The following RALGPS1 variants were observed in gnomAD, a reference collection of about 807,000 sequenced individuals.
The protein encoded by RALGPS1 is Ral GEF with PH domain and SH3 binding motif 1, also known as ras-specific guanine nucleotide-releasing factor RalGPS1.
Under a neutral mutation model 78.8 loss-of-function variants are expected in RALGPS1, and 19 were observed. The ratio of observed to expected loss-of-function variants is 0.24; its 90% CI spans 0.17 to 0.35. RALGPS1 has a LOEUF of 0.35. Ranked by LOEUF, RALGPS1 falls within the 10% of genes least tolerant of loss-of-function variation. The pLI is 1.00. For synonymous variants in RALGPS1, 228 were observed against 256.3 expected (o/e 0.89, Z 1.06); for missense variants, 454 against 688.3 (o/e 0.66, Z 3.81).
Position 127,125,359 on chromosome 9 carries a change from G to A in RALGPS1, c.611-40710G>A, listed in dbSNP as rs12686675. Among the ~76,000 whole-genome samples the A allele has an allele frequency of 2.2e-4, 33 of 152,316 alleles. No individual in the cohort carries two copies. The East Asian group carries it at 6.0e-3, about 28-fold the overall frequency. On this transcript the variant is annotated intron_variant, in intron 8 of 18. Coordinates refer to ENST00000259351, the MANE Select transcript of RALGPS1 (RefSeq NM_014636.3). Reference sequence around the variant, plus strand: ...GGAGTGAATAAACGAACTGCTGGCTGGAGGAGGATGAAGAGCCATGGCTCA... The same window carrying A: ...GGAGTGAATAAACGAACTGCTGGCTAGAGGAGGATGAAGAGCCATGGCTCA...
chr9:127,066,928 A>G (rs1236549313), intron 7 of RALGPS1, among the ~76,000 whole-genome samples: 3 of 152,058 alleles, frequency 2.0e-5, no homozygotes, highest in Non-Finnish European at 4.4e-5. Flanking sequence ...GACTTAAGCA[A>G]TCTTCCTGCT....
At chr9:126,965,694 G>A in intron 2 of RALGPS1, 150 bp from the exon 3 acceptor site, 1 of 606,884 alleles carries the variant, frequency 1.6e-6, no homozygotes. Flanking sequence ...TTAACATGGT[G>A]CCTGGACTGG....
intron 1 of RALGPS1, among the ~76,000 whole-genome samples, chr9:126,915,820 A>G (rs2119394576): frequency 6.7e-6 from 1 of 149,682 alleles, no homozygotes; most frequent in South Asian, 2.2e-4. Context: ...CGGTTGTTGA[A>G]AAATGTGTGT....
intron 11 of RALGPS1, among the ~76,000 whole-genome samples, chr9:127,186,675 A>G (rs982273290): frequency 6.6e-6 from 1 of 152,246 alleles, no homozygotes. Flanking sequence ...CTGTTGGTCA[A>G]CAATGCAGAA....
At chr9:126,974,620 A>T (rs2040429142) in intron 3 of RALGPS1, among the ~76,000 whole-genome samples, 1 of 151,900 alleles carries the variant, frequency 6.6e-6, no homozygotes, top group Non-Finnish European at 1.5e-5. Context: ...GAAGGAGGAG[A>T]TGGGAGAAGG....
intron 4 of RALGPS1, among the ~76,000 whole-genome samples, chr9:127,012,151 G>T (rs761366684): frequency 1.3e-5 from 2 of 152,158 alleles, no homozygotes; most frequent in Non-Finnish European, 2.9e-5. Context: ...TGTAGGTATT[G>T]AGGGTGTGAA....
chr9:126,979,228 T>G (rs2040981270), intron 4 of RALGPS1, among the ~76,000 whole-genome samples: 1 of 138,762 alleles, frequency 7.2e-6, no homozygotes, highest in African/African-American at 2.6e-5. Context: ...GTTATTTGTA[T>G]TATTGTATTA....
At chr9:126,966,811 C>G (rs1229146947) in intron 3 of RALGPS1, among the ~76,000 whole-genome samples, 1 of 151,926 alleles carries the variant, frequency 6.6e-6, no homozygotes, top group Non-Finnish European at 1.5e-5. Flanking sequence ...TATCTTCAAC[C>G]AATGTGTTGC....
At chr9:127,190,897 A>G (rs570074528) in intron 11 of RALGPS1, among the ~76,000 whole-genome samples, 2 of 152,304 alleles carry the variant, frequency 1.3e-5, no homozygotes, top group South Asian at 2.1e-4. Flanking sequence ...AATGCAATAC[A>G]TTGTCAGGCT....
chr9:126,960,849 G>A (rs2132092315), intron 1 of RALGPS1, among the ~76,000 whole-genome samples: 1 of 152,128 alleles, frequency 6.6e-6, no homozygotes, highest in South Asian at 2.1e-4. Context: ...CCATCCTTCT[G>A]GTACCTCATG....
At chr9:127,069,561 C>T in intron 8 of RALGPS1, 3 of 520,112 alleles carry the variant, frequency 5.8e-6, no homozygotes, top group Middle Eastern at 4.7e-4. Flanking sequence ...AAGTGATGTT[C>T]TGCTTTTTAT....
chr9:127,050,400 G>A (rs1047576776), intron 6 of RALGPS1, among the ~76,000 whole-genome samples: 1 of 152,180 alleles, frequency 6.6e-6, no homozygotes, highest in Non-Finnish European at 1.5e-5. Context: ...CCTTACCTGG[G>A]CTTTCACAGT....
intron 4 of RALGPS1, among the ~76,000 whole-genome samples, chr9:126,982,804 CCTT>C (rs1349686302): frequency 2.0e-5 from 3 of 147,682 alleles, no homozygotes; most frequent in Non-Finnish European, 4.5e-5. Flanking sequence ...TCTTCTTCTT[CCTT>C]CTTTCTTCCT....
chr9:127,121,762 T>A (rs2056113540), intron 8 of RALGPS1, among the ~76,000 whole-genome samples: 1 of 152,212 alleles, frequency 6.6e-6, no homozygotes, highest in Non-Finnish European at 1.5e-5. Context: ...CCGTGCTGGG[T>A]GCCTCTGCTC....
chr9:126,941,039 C>T (rs1016386946), intron 1 of RALGPS1, among the ~76,000 whole-genome samples: 10 of 151,954 alleles, frequency 6.6e-5, no homozygotes, highest in African/African-American at 2.2e-4. Context: ...AGTGAATATC[C>T]TTCTATACTT....
chr9:127,177,297 C>T (rs549951857), intron 11 of RALGPS1, among the ~76,000 whole-genome samples: 1 of 152,254 alleles, frequency 6.6e-6, no homozygotes, highest in East Asian at 1.9e-4. Context: ...GCTGCAGCCT[C>T]ACGACTGAGC....
intron 8 of RALGPS1, among the ~76,000 whole-genome samples, chr9:127,117,861 C>T (rs1374584557): frequency 6.6e-6 from 1 of 152,202 alleles, no homozygotes; most frequent in Non-Finnish European, 1.5e-5. Context: ...GGCAGGTCCT[C>T]AGGCATCTCT....
At chr9:127,146,663 T>A (rs1021316346) in intron 8 of RALGPS1, among the ~76,000 whole-genome samples, 1 of 151,834 alleles carries the variant, frequency 6.6e-6, no homozygotes, top group Non-Finnish European at 1.5e-5. Context: ...TGTGCCTTAG[T>A]CTCGTGAGTA....
At chr9:127,145,253 C>T (rs1239680972) in intron 8 of RALGPS1, among the ~76,000 whole-genome samples, 3 of 152,206 alleles carry the variant, frequency 2.0e-5, no homozygotes, top group African/African-American at 7.2e-5. Flanking sequence ...TATTATCTCA[C>T]TGTGGCCTCA....
Sources: allele counts gnomAD v4.1 joint callset (sites outside exome capture counted in the v4.1 genomes callset), GRCh38; gene constraint gnomAD v4.1.1; transcripts MANE v1.5; gene names NCBI Gene and HGNC (gene_info 2026-07-23, HGNC 2026-07-21).